BTG4: variants seen among roughly 807,000 people sequenced by gnomAD.
BTG4 encodes the protein BTG anti-proliferation factor 4.
A neutral mutation model predicts 19.3 loss-of-function variants in BTG4; 10 were observed. The ratio of observed to expected loss-of-function variants is 0.52; its 90% CI spans 0.32 to 0.88. The LOEUF is 0.88. BTG4 is among the 40% of genes least tolerant of loss of function. The probability of loss-of-function intolerance (pLI) is 0.04; values close to 1 mark genes in which losing one functional copy is unlikely to be tolerated. For missense variants in BTG4, 238 were observed against 281.9 expected, an observed-to-expected ratio of 0.84 and a Z score of 1.11; for synonymous variants, 91 against 95.7, an observed-to-expected ratio of 0.95 and a Z score of 0.29.
chr11:111,391,215 G>A, the BTG4 span, among the ~76,000 whole-genome samples: 1 of 152,174 alleles, frequency 6.6e-6, no homozygotes, highest in Non-Finnish European at 1.5e-5. Context: ...TCAAGCCCCA[G>A]GGACCCTATT....
chr11:111,468,382 C>T (rs907015833), intron 5 of BTG4, among the ~76,000 whole-genome samples: 6 of 152,202 alleles, frequency 3.9e-5, no homozygotes, highest in African/African-American at 1.2e-4. Flanking sequence ...CTATGGGGTA[C>T]TTTTGTTATC....
intron 5 of BTG4, among the ~76,000 whole-genome samples, chr11:111,488,564 A>T (rs1434226790): frequency 6.6e-6 from 1 of 152,196 alleles, no homozygotes; most frequent in African/African-American, 2.4e-5. Context: ...GAAGACCTCA[A>T]AATCAGGCAA....
At chr11:111,505,244 G>A (rs959864992) in intron 1 of BTG4, among the ~76,000 whole-genome samples, 5 of 151,948 alleles carry the variant, frequency 3.3e-5, no homozygotes, top group Admixed American at 2.0e-4. Flanking sequence ...AACTAAAATC[G>A]CATGGTACTA....
At chr11:111,497,906 C>A in intron 3 of BTG4, 92 bp downstream of exon 3, 2 of 1,417,610 alleles carry the variant, frequency 1.4e-6, no homozygotes, top group Non-Finnish European at 9.6e-7. Flanking sequence ...CAACTCAAGG[C>A]TTTGGGGCAT....
At chr11:111,476,245 A>T (rs2135552449) in intron 5 of BTG4, among the ~76,000 whole-genome samples, 1 of 152,130 alleles carries the variant, frequency 6.6e-6, no homozygotes, top group African/African-American at 2.4e-5. Context: ...TCTTTTTAAA[A>T]ATATTATTTG....
chr11:111,468,127 G>C (rs2135517009), intron 5 of BTG4, among the ~76,000 whole-genome samples: 1 of 152,320 alleles, frequency 6.6e-6, no homozygotes, highest in Non-Finnish European at 1.5e-5. Flanking sequence ...CATCGATACT[G>C]GAGGGTTAGA....
chr11:111,506,774 T>A (rs572776204), intron 1 of BTG4, among the ~76,000 whole-genome samples: 18 of 152,128 alleles, frequency 1.2e-4, no homozygotes, highest in Non-Finnish European at 2.2e-4. Context: ...TATAGAATAA[T>A]ACTCTCTTAT....
At position 111,487,167 on chromosome 11, in the gene BTG4, CT is replaced by C. The variant is rs1865117912; in HGVS notation, c.662+7995del. Among the ~76,000 whole-genome samples the C allele has an allele frequency of 3.3e-5, 5 of 152,134 alleles. No homozygotes were observed. In the South Asian group the frequency reaches 1.0e-3, roughly 32 times the overall value. ...AAAACATGATCTTTCCTTTTTATGG[CT>C]GTGTAGTATTCCATGGTGCATATGT... On this transcript the variant is annotated intron_variant, in intron 5 of 5. Transcript: ENST00000356018.
chr11:111,431,285 T>A, the BTG4 span, among the ~76,000 whole-genome samples: 75,707 of 151,938 alleles, frequency 0.5, 20,035 homozygotes, highest in African/African-American at 0.68. Context: ...GATAACTCCC[T>A]TTTTTGGAGC....
At chr11:111,490,129 A>AC (rs1865323843), downstream of BTG4, among the ~76,000 whole-genome samples, 2 of 150,996 alleles carry the variant, frequency 1.3e-5, no homozygotes, top group Admixed American at 6.6e-5. Context: ...AAAAAAAAAA[A>AC]AAATTAGCTG....
the BTG4 span, among the ~76,000 whole-genome samples, chr11:111,421,632 C>T: frequency 2.6e-5 from 4 of 152,088 alleles, no homozygotes; most frequent in Non-Finnish European, 4.4e-5. Context: ...AAGTAGAAGG[C>T]GGCTGGGCGT....
chr11:111,447,139 A>G, the BTG4 span, among the ~76,000 whole-genome samples: 2 of 152,158 alleles, frequency 1.3e-5, no homozygotes, highest in Admixed American at 1.3e-4. Flanking sequence ...GCCCTTTTGA[A>G]AAGTAATTAA....
chr11:111,495,909 T>G (rs76778882), intron 4 of BTG4, among the ~76,000 whole-genome samples: 2 of 152,166 alleles, frequency 1.3e-5, no homozygotes, highest in South Asian at 4.1e-4. Flanking sequence ...GTTATAAGAC[T>G]GAGGAAAAAA....
At chr11:111,425,987 C>T in the BTG4 span, among the ~76,000 whole-genome samples, 2 of 152,020 alleles carry the variant, frequency 1.3e-5, no homozygotes, top group African/African-American at 2.4e-5. Flanking sequence ...GCCGAGATTG[C>T]GCCACTGCAC....
At chr11:111,454,356 A>G in the BTG4 span, 1 of 454,106 alleles carries the variant, frequency 2.2e-6, no homozygotes, top group Non-Finnish European at 4.4e-6. Flanking sequence ...ACGAAGGAAG[A>G]GGTAACTGGC....
intron 5 of BTG4, among the ~76,000 whole-genome samples, chr11:111,484,994 C>A (rs1199167621): frequency 6.6e-6 from 1 of 152,024 alleles, no homozygotes; most frequent in African/African-American, 2.4e-5. Flanking sequence ...GATTTCAAGA[C>A]AAAAACTGTA....
In BTG4 at chr11:111,470,693, G is replaced by A. The variant is rs550754001; in HGVS notation, c.663-3012C>T. Among the ~76,000 whole-genome samples, 5 of 152,282 alleles carry A rather than the reference G, an allele frequency of 3.3e-5. No homozygotes were observed. In the South Asian group the frequency reaches 1.0e-3, roughly 32 times the overall value. On this transcript the variant is annotated intron_variant, in intron 5 of 5. Transcript: ENST00000356018. ...GCACTTTGGGAGGCCGAGGCAGAAA[G>A]ATCACTTGAGCCCAGGAGTCTGAGA...
the BTG4 span, among the ~76,000 whole-genome samples, chr11:111,436,635 G>GCA: frequency 5.5e-5 from 8 of 145,700 alleles, no homozygotes; most frequent in African/African-American, 2.0e-4. Flanking sequence ...CTCAAAAAAA[G>GCA]AAAAAAAAAA....
chr11:111,395,810 G>A, the BTG4 span, among the ~76,000 whole-genome samples: 1 of 152,202 alleles, frequency 6.6e-6, no homozygotes. Context: ...AGTTGGAGAT[G>A]CGCTGCCCTA....
Sources: gnomAD v4.1 joint callset for allele counts (sites outside exome capture counted in the v4.1 genomes callset) on GRCh38, gnomAD v4.1.1 for gene constraint, MANE v1.5 for transcripts, NCBI Gene and HGNC (gene_info 2026-07-23, HGNC 2026-07-21) for gene names.